NRF1: variants seen among roughly 807,000 people sequenced by gnomAD.
NRF1 encodes the protein alpha palindromic-binding protein.
Under a neutral mutation model 58.5 loss-of-function variants are expected in NRF1, and 5 were observed. That is an observed-to-expected ratio of 0.09 (90% CI 0.04 to 0.18). The LOEUF is 0.18. Among genes scored for constraint, NRF1 ranks in the 10% least tolerant of loss-of-function variants. The probability of loss-of-function intolerance (pLI) is 1.00; values close to 1 mark genes in which losing one functional copy is unlikely to be tolerated. For synonymous variants in NRF1, 224 were observed against 246.7 expected (o/e 0.91, Z 0.86); for missense variants, 288 against 657.7 (o/e 0.44, Z 6.15).
chr7:129,709,583 T>A (rs1198616789), intron 6 of NRF1, among the ~76,000 whole-genome samples: 1 of 152,156 alleles, frequency 6.6e-6, no homozygotes, highest in Non-Finnish European at 1.5e-5. Context: ...CTAAAAATCA[T>A]TGTTGAAAAT....
At chr7:129,623,164 A>G (rs1222959157) in intron 1 of NRF1, among the ~76,000 whole-genome samples, 1 of 152,112 alleles carries the variant, frequency 6.6e-6, no homozygotes, top group Admixed American at 6.6e-5. Flanking sequence ...GTTAACCTCG[A>G]TTTCCTTCAC....
chr7:129,615,204 G>A (rs1482799277), intron 1 of NRF1, among the ~76,000 whole-genome samples: 3 of 152,198 alleles, frequency 2.0e-5, no homozygotes, highest in African/African-American at 7.2e-5. Context: ...TATACATTCA[G>A]CTTCTGTCAG....
chr7:129,736,999 A>G (rs1178191363), intron 10 of NRF1, among the ~76,000 whole-genome samples: 6 of 152,372 alleles, frequency 3.9e-5, no homozygotes, highest in Non-Finnish European at 5.9e-5. Context: ...GTGAGCATTA[A>G]ACAAGATGAT....
Position 129,744,097 on chromosome 7 carries a change from C to T in NRF1, c.1349-10921C>T, listed in dbSNP as rs1039555243. The stretch of plus-strand genomic sequence containing the variant: ...GATGTGCATGGGAGGCTGCAAGCGC[C>T]GCAGCGGGGCTGGTGGCCCATCTTG... On this transcript the variant is annotated intron_variant, in intron 10 of 10. Coordinates refer to ENST00000393232, the MANE Select transcript of NRF1 (RefSeq NM_005011.5). 26 of 1,367,414 alleles carry T rather than the reference C, an allele frequency of 1.9e-5. No homozygotes were observed. The African/African-American group carries it at 2.5e-4, about 13-fold the overall frequency. 84.7% of individuals were successfully genotyped at this position (1,367,414 alleles called of 1,614,324 possible).
rs543852675 is a variant in NRF1, at chr7:129,705,960, A to G, written c.607-3115A>G. Among the ~76,000 whole-genome samples the G allele has an allele frequency of 1.1e-4, 17 of 150,074 alleles. No individual in the cohort carries two copies. The South Asian group carries it at 3.4e-3, about 30-fold the overall frequency. ...GAGAGTGAGAGAGAGAGAGAGAGAG[A>G]ATGAATGAATAGTTAGTATATGTTC... On this transcript the variant is annotated intron_variant, in intron 5 of 10. Coordinates refer to ENST00000393232, the MANE Select transcript of NRF1 (RefSeq NM_005011.5).
chr7:129,734,297 CA>C (rs1273120937), intron 10 of NRF1, among the ~76,000 whole-genome samples: 1 of 152,170 alleles, frequency 6.6e-6, no homozygotes, highest in Non-Finnish European at 1.5e-5. Context: ...CAGAAAGTTT[CA>C]GTAACTTAAC....
intron 1 of NRF1, among the ~76,000 whole-genome samples, chr7:129,643,279 G>A (rs1801335199): frequency 6.6e-6 from 1 of 152,196 alleles, no homozygotes. Context: ...TGTAGTGACA[G>A]ATCCAGCAGA....
chr7:129,627,377 A>AT (rs1205054863), intron 1 of NRF1, among the ~76,000 whole-genome samples: 14 of 148,052 alleles, frequency 9.5e-5, no homozygotes, highest in East Asian at 2.0e-4. Context: ...ATGCTTGGCC[A>AT]TTTTTTTTTC....
intron 2 of NRF1, among the ~76,000 whole-genome samples, chr7:129,666,820 C>T (rs767949256): frequency 1.1e-4 from 17 of 152,106 alleles, no homozygotes; most frequent in Admixed American, 2.0e-4. Flanking sequence ...CGAGAGCCAC[C>T]GCATCCAGCC....
chr7:129,743,537 G>A (rs1302853202), intron 10 of NRF1, among the ~76,000 whole-genome samples: 1 of 152,168 alleles, frequency 6.6e-6, no homozygotes, highest in Non-Finnish European at 1.5e-5. Flanking sequence ...TTTGACTCCT[G>A]GAGAAAGCCC....
intron 5 of NRF1, among the ~76,000 whole-genome samples, chr7:129,706,328 G>A (rs1802949406): frequency 1.3e-5 from 2 of 152,198 alleles, no homozygotes; most frequent in Non-Finnish European, 2.9e-5. Flanking sequence ...GGATATGTGG[G>A]AAGAGGGAAT....
In NRF1 at chr7:129,755,203, C is replaced by T. The variant is rs1258629731; in HGVS notation, c.*22C>T. 14 of 1,542,590 alleles carry T rather than the reference C, an allele frequency of 9.1e-6. No homozygotes were observed. Among genetic ancestry groups the T allele is most frequent in the Middle Eastern group, 1.7e-4 (1 of 5,902 alleles). ...GTGACATACAGCCATATTATGGCAT[C>T]GTTTTCTAGTCTACTTCAAAATTTT... On this transcript the variant is annotated 3_prime_UTR_variant, in exon 11 of 11. Transcript: ENST00000393232. This position sits in a 1 kb window ranked among gnomAD's most constrained non-coding sequence, Gnocchi z 5.8.
intron 2 of NRF1, among the ~76,000 whole-genome samples, chr7:129,660,867 G>A (rs946373318): frequency 2.6e-5 from 4 of 150,982 alleles, no homozygotes. Context: ...GACTCTGTGT[G>A]AGGTCTCCGA....
At chr7:129,725,420 C>T (rs1342428567) in intron 9 of NRF1, among the ~76,000 whole-genome samples, 2 of 152,006 alleles carry the variant, frequency 1.3e-5, no homozygotes, top group African/African-American at 2.4e-5. Context: ...CTCCACCTCC[C>T]GGGTTCAAGC....
At chr7:129,685,091 G>A (rs140692098) in intron 4 of NRF1, among the ~76,000 whole-genome samples, 1 of 152,256 alleles carries the variant, frequency 6.6e-6, no homozygotes, top group East Asian at 1.9e-4. Context: ...TGTGTTTTTA[G>A]TCTCATAGGA....
chr7:129,680,161 A>T (rs1802275215), intron 4 of NRF1, among the ~76,000 whole-genome samples: 2 of 152,366 alleles, frequency 1.3e-5, no homozygotes, highest in South Asian at 4.1e-4. Flanking sequence ...AGAACTAATG[A>T]TAAATAATTA....
At chr7:129,647,694 CA>C (rs1801441296) in intron 1 of NRF1, among the ~76,000 whole-genome samples, 1 of 152,086 alleles carries the variant, frequency 6.6e-6, no homozygotes, top group African/African-American at 2.4e-5. Flanking sequence ...ACGCCCAGCC[CA>C]AAGCTTATTT....
intron 10 of NRF1, among the ~76,000 whole-genome samples, chr7:129,751,206 T>G (rs1804107649): frequency 6.6e-6 from 1 of 152,228 alleles, no homozygotes; most frequent in Non-Finnish European, 1.5e-5. Flanking sequence ...GTAGTTCATC[T>G]GGCTGGCGTG....
At chr7:129,682,773 G>T (rs185226113) in intron 4 of NRF1, among the ~76,000 whole-genome samples, 4 of 152,084 alleles carry the variant, frequency 2.6e-5, no homozygotes, top group Admixed American at 6.6e-5. Context: ...CTGTGCTCCA[G>T]CCTGGGTGAC....
Sources: allele counts gnomAD v4.1 joint callset (sites outside exome capture counted in the v4.1 genomes callset), GRCh38; gene constraint gnomAD v4.1.1; non-coding constraint Gnocchi (gnomAD v3.1); transcripts MANE v1.5; gene names NCBI Gene and HGNC (gene_info 2026-07-23, HGNC 2026-07-21).